The following ENOX1 variants were observed in gnomAD, a reference collection of about 807,000 sequenced individuals.
ENOX1 encodes ecto-NOX disulfide-thiol exchanger 1.
A neutral mutation model predicts 82.5 loss-of-function variants in ENOX1; 42 were observed. That is an observed-to-expected ratio of 0.51 (90% CI 0.40 to 0.66). The LOEUF is 0.66. Among genes scored for constraint, ENOX1 ranks in the 30% least tolerant of loss-of-function variants. ENOX1 has a pLI of 0.00. For synonymous variants in ENOX1, 271 were observed against 282.2 expected (o/e 0.96, Z 0.40); for missense variants, 608 against 811.6 (o/e 0.75, Z 3.05).
chr13:43,701,266 T>G (rs1257810585), intron 1 of ENOX1, among the ~76,000 whole-genome samples: 6 of 152,204 alleles, frequency 3.9e-5, no homozygotes, highest in Non-Finnish European at 7.4e-5. Context: ...TCTCAAGATC[T>G]CAGCAATTTG....
At chr13:43,322,305 G>T in intron 11 of ENOX1, 79 bp downstream of exon 11, 1 of 1,049,626 alleles carries the variant, frequency 9.5e-7, no homozygotes, top group Admixed American at 2.0e-5. Context: ...TGAGTTATAG[G>T]GCCATTTACT....
chr13:43,374,014 G>C (rs1324096488), intron 5 of ENOX1, among the ~76,000 whole-genome samples: 1 of 151,972 alleles, frequency 6.6e-6, no homozygotes, highest in Non-Finnish European at 1.5e-5. Flanking sequence ...TTCTGGAAAG[G>C]TCAAGATCAA....
At chr13:43,760,973 C>T (rs1950935577) in intron 1 of ENOX1, among the ~76,000 whole-genome samples, 1 of 151,708 alleles carries the variant, frequency 6.6e-6, no homozygotes, top group Admixed American at 6.6e-5. Context: ...GAAGCTCAAA[C>T]ATTTGTACTA....
At chr13:43,710,978 C>T (rs2087660835) in intron 1 of ENOX1, among the ~76,000 whole-genome samples, 1 of 151,818 alleles carries the variant, frequency 6.6e-6, no homozygotes, top group Non-Finnish European at 1.5e-5. Flanking sequence ...AGGTTTGTTA[C>T]ATATGTATAC....
At chr13:43,682,630 A>C (rs551659747) in intron 1 of ENOX1, among the ~76,000 whole-genome samples, 26 of 152,272 alleles carry the variant, frequency 1.7e-4, no homozygotes, top group African/African-American at 4.8e-4. Flanking sequence ...AAATTGCAAA[A>C]ATTAAACACT....
intron 2 of ENOX1, among the ~76,000 whole-genome samples, chr13:43,629,004 A>T (rs1319480316): frequency 6.6e-6 from 1 of 152,176 alleles, no homozygotes; most frequent in East Asian, 1.9e-4. Context: ...AAGAAGGGGC[A>T]GGGGTACATA....
At chr13:43,379,488 CAG>C (rs1427814184) in intron 5 of ENOX1, among the ~76,000 whole-genome samples, 1 of 151,982 alleles carries the variant, frequency 6.6e-6, no homozygotes, top group Admixed American at 6.6e-5. Flanking sequence ...AAAACAGACT[CAG>C]AATGTACTTG....
At chr13:43,373,255 A>G (rs2051365776) in intron 5 of ENOX1, among the ~76,000 whole-genome samples, 1 of 152,138 alleles carries the variant, frequency 6.6e-6, no homozygotes, top group Non-Finnish European at 1.5e-5. Context: ...TGGAAACCAG[A>G]AGGCCTTCTA....
At chr13:43,435,472 A>G (rs1594588071) in intron 3 of ENOX1, among the ~76,000 whole-genome samples, 3 of 152,176 alleles carry the variant, frequency 2.0e-5, no homozygotes, top group African/African-American at 7.2e-5. Flanking sequence ...CTCTCTGCCC[A>G]GTTACTGACC....
At chr13:43,512,011 T>TA (rs1311790877) in intron 2 of ENOX1, among the ~76,000 whole-genome samples, 2 of 152,204 alleles carry the variant, frequency 1.3e-5, no homozygotes, top group Admixed American at 6.5e-5. Flanking sequence ...ATGGATATTA[T>TA]ACATATGCCA....
chr13:43,773,504 A>G (rs1009136891), intron 1 of ENOX1, among the ~76,000 whole-genome samples: 1 of 152,016 alleles, frequency 6.6e-6, no homozygotes, highest in African/African-American at 2.4e-5. Flanking sequence ...GCCACTGTTC[A>G]CCCTTTCTCT....
intron 14 of ENOX1, among the ~76,000 whole-genome samples, chr13:43,251,343 C>A (rs1194085096): frequency 6.6e-6 from 1 of 152,194 alleles, no homozygotes; most frequent in African/African-American, 2.4e-5. Flanking sequence ...TCTCACCTAA[C>A]CACTCCAAAC....
chr13:43,321,201 TCA>T, intron 11 of ENOX1: 1 of 455,028 alleles, frequency 2.2e-6, no homozygotes, highest in Non-Finnish European at 4.4e-6. Flanking sequence ...AGGGCTTAAA[TCA>T]CAGATTGCTG....
At chr13:43,288,383 A>G (rs2045820583) in intron 12 of ENOX1, among the ~76,000 whole-genome samples, 1 of 152,176 alleles carries the variant, frequency 6.6e-6, no homozygotes, top group African/African-American at 2.4e-5. Context: ...AAGAAACTTA[A>G]TCTGGGTTGT....
chr13:43,279,708 A>G (rs1417434217), intron 12 of ENOX1, among the ~76,000 whole-genome samples: 1 of 152,242 alleles, frequency 6.6e-6, no homozygotes, highest in Non-Finnish European at 1.5e-5. Context: ...GAGTTAAATG[A>G]AAGTGCTGTC....
chr13:43,700,420 T>C (rs2086851816), intron 1 of ENOX1, among the ~76,000 whole-genome samples: 1 of 152,190 alleles, frequency 6.6e-6, no homozygotes, highest in African/African-American at 2.4e-5. Flanking sequence ...TTCATCTCCC[T>C]GCTTGCTATC....
At chr13:43,445,249 A>G (rs369858881) in intron 3 of ENOX1, among the ~76,000 whole-genome samples, 29 of 150,266 alleles carry the variant, frequency 1.9e-4, no homozygotes, top group South Asian at 6.3e-4. Context: ...TCAGCCTCCC[A>G]AGTAGCTGGG....
intron 3 of ENOX1, among the ~76,000 whole-genome samples, chr13:43,481,339 A>T (rs755449976): frequency 6.6e-6 from 1 of 152,106 alleles, no homozygotes; most frequent in Non-Finnish European, 1.5e-5. Flanking sequence ...GAGGATAGAG[A>T]GTCCAGAAAT....
chr13:43,599,546 C>T (rs1211952246), intron 2 of ENOX1, among the ~76,000 whole-genome samples: 1 of 152,046 alleles, frequency 6.6e-6, no homozygotes, highest in East Asian at 2.0e-4. Flanking sequence ...AGCCTCATCA[C>T]TGCAGACTAA....
Sources: gnomAD v4.1 joint callset for allele counts (sites outside exome capture counted in the v4.1 genomes callset) on GRCh38, gnomAD v4.1.1 for gene constraint, MANE v1.5 for transcripts, NCBI Gene and HGNC (gene_info 2026-07-23, HGNC 2026-07-21) for gene names.